Variants in NCEH1 observed in about 807,000 individuals in gnomAD.
The protein encoded by NCEH1 is neutral cholesterol ester hydrolase 1.
NCEH1 carries 9 observed loss-of-function variants against 25.4 expected under a neutral mutation model. That is an observed-to-expected ratio of 0.35 (90% CI 0.21 to 0.62). NCEH1 has a LOEUF of 0.62. NCEH1 is among the 20% of genes least tolerant of loss of function. NCEH1 has a pLI of 0.72. For synonymous variants in NCEH1, 200 were observed against 199.8 expected (o/e 1.00, Z -0.01); for missense variants, 412 against 501.1 (o/e 0.82, Z 1.70).
Position 172,644,418 on chromosome 3 carries a change from G to A in NCEH1, c.437+1205C>T, listed in dbSNP as rs150728304. Among the ~76,000 whole-genome samples, 958 of 152,302 alleles carry A rather than the reference G, an allele frequency of 6.3e-3. 9 individuals are homozygous for A. Among genetic ancestry groups the A allele is most frequent in the Non-Finnish European group, 9.1e-3 (619 of 68,016 alleles). Reference sequence around the variant, plus strand: ...AGGATAGCTGACAGAGAGGCAGAGGGAAGAAGAGAACTGAATGAGCCTGGG... The same window carrying A: ...AGGATAGCTGACAGAGAGGCAGAGGAAAGAAGAGAACTGAATGAGCCTGGG... On this transcript the variant is annotated intron_variant, in intron 3 of 4. Coordinates refer to ENST00000475381, the MANE Select transcript of NCEH1 (RefSeq NM_020792.6).
At chr3:172,710,110 A>T (rs959856814) in intron 1 of NCEH1, among the ~76,000 whole-genome samples, 1 of 152,248 alleles carries the variant, frequency 6.6e-6, no homozygotes, top group African/African-American at 2.4e-5. Flanking sequence ...AGGTTAAGGC[A>T]GGTAACCTCG....
chr3:172,644,724 T>C (rs1183201219), intron 3 of NCEH1, among the ~76,000 whole-genome samples: 1 of 152,258 alleles, frequency 6.6e-6, no homozygotes, highest in African/African-American at 2.4e-5. Flanking sequence ...ATTTACTGAA[T>C]GCTCACCATA....
chr3:172,665,266 T>G (rs1049550456), intron 1 of NCEH1, among the ~76,000 whole-genome samples: 4 of 152,202 alleles, frequency 2.6e-5, no homozygotes, highest in African/African-American at 9.7e-5. Flanking sequence ...CTCCAGACCT[T>G]GTTTGCCTGG....
intron 1 of NCEH1, among the ~76,000 whole-genome samples, chr3:172,678,431 T>C (rs1712138722): frequency 6.6e-6 from 1 of 152,194 alleles, no homozygotes; most frequent in Non-Finnish European, 1.5e-5. Context: ...AGTGTTTAAA[T>C]CTACACCAGG....
chr3:172,641,141 ATACTC>A (rs146374960), intron 3 of NCEH1, among the ~76,000 whole-genome samples: 5 of 152,338 alleles, frequency 3.3e-5, no homozygotes, highest in East Asian at 1.9e-4. Flanking sequence ...AGGTAAAAAA[ATACTC>A]TATTATAGTT....
intron 1 of NCEH1, among the ~76,000 whole-genome samples, chr3:172,666,092 C>T (rs9862246): frequency 0.34 from 51,243 of 152,080 alleles, 8,819 homozygotes; most frequent in South Asian, 0.38. Flanking sequence ...TAGACTGGAG[C>T]TGCTTCTATT....
At chr3:172,639,164 G>A (rs1193949423) in intron 3 of NCEH1, among the ~76,000 whole-genome samples, 2 of 152,032 alleles carry the variant, frequency 1.3e-5, no homozygotes, top group African/African-American at 4.8e-5. Context: ...TGGGTGTGGT[G>A]GCATGTGCTT....
At chr3:172,709,843 A>C (rs777415473) in intron 1 of NCEH1, among the ~76,000 whole-genome samples, 20 of 152,286 alleles carry the variant, frequency 1.3e-4, no homozygotes, top group Non-Finnish European at 2.8e-4. Context: ...ATATTCTGAG[A>C]TTAAAGCCCA....
intron 1 of NCEH1, 117 bp downstream of exon 1, chr3:172,710,730 G>C (rs770929485): frequency 2.7e-6 from 3 of 1,128,770 alleles, no homozygotes; most frequent in Non-Finnish European, 3.8e-6. Flanking sequence ...AAAAGCGACA[G>C]CCTCAATGCA....
intron 1 of NCEH1, among the ~76,000 whole-genome samples, chr3:172,671,244 G>C (rs894977269): frequency 1.3e-5 from 2 of 152,142 alleles, no homozygotes; most frequent in Admixed American, 1.3e-4. Context: ...CCAGAAAGTA[G>C]GATTTCGTTA....
chr3:172,667,487 A>G (rs1718274780), intron 1 of NCEH1, among the ~76,000 whole-genome samples: 1 of 152,200 alleles, frequency 6.6e-6, no homozygotes, highest in Non-Finnish European at 1.5e-5. Flanking sequence ...TGGATGACCT[A>G]AGGTTGCGCA....
intron 1 of NCEH1, among the ~76,000 whole-genome samples, chr3:172,674,443 CAAAAAAAA>C (rs146923940): frequency 2.8e-5 from 2 of 71,038 alleles, no homozygotes; most frequent in African/African-American, 4.9e-5. Context: ...ACTCTGTCTC[CAAAAAAAA>C]AAAAAAAAAA....
Position 172,672,771 on chromosome 3 carries a change from G to A in NCEH1, c.139-24657C>T, listed in dbSNP as rs1189853331. 3.3e-5 allele frequency among the ~76,000 whole-genome samples: 5 copies of A among 152,202 alleles called. No individual in the cohort carries two copies. The East Asian group carries it at 9.6e-4, about 29-fold the overall frequency. ...CTTTGCAGGCTGGCAAAGTCCAGGA[G>A]CCCCAAGATGCATCCATTAGTTGCT... On this transcript the variant is annotated intron_variant, in intron 1 of 4. Transcript: ENST00000475381.
Position 172,668,346 on chromosome 3 carries a change from GCA to G in NCEH1, c.139-20234_139-20233del, listed in dbSNP as rs1480120790. ...GCTCAGGAAACAAATGGAAAAGGAAGCATTTTTTTTTTTTTTTTTTTTTTTTT... is the reference window on the plus strand; with the variant it reads ...GCTCAGGAAACAAATGGAAAAGGAAGTTTTTTTTTTTTTTTTTTTTTTTTT... On this transcript the variant is annotated intron_variant, in intron 1 of 4. Coordinates refer to ENST00000475381, the MANE Select transcript of NCEH1 (RefSeq NM_020792.6). Among the ~76,000 whole-genome samples, 15 of 105,496 alleles carry G rather than the reference GCA, an allele frequency of 1.4e-4. No homozygotes were observed. In the East Asian group the frequency reaches 4.0e-3, roughly 28 times the overall value. The allele number at this position is 105,496 out of a possible 152,430, so 69.2% of individuals were successfully genotyped here. A position where few individuals can be genotyped will look rare whatever the true frequency, so the allele number is the denominator to read the frequency against.
chr3:172,649,597 T>C (rs1717300671), intron 1 of NCEH1, among the ~76,000 whole-genome samples: 1 of 152,254 alleles, frequency 6.6e-6, no homozygotes, highest in African/African-American at 2.4e-5. Context: ...CAACTTAAGT[T>C]CTTTGGTAAA....
chr3:172,679,043 G>A (rs1230238610), intron 1 of NCEH1, among the ~76,000 whole-genome samples: 1 of 152,154 alleles, frequency 6.6e-6, no homozygotes, highest in Non-Finnish European at 1.5e-5. Flanking sequence ...TCCATTGGCT[G>A]GAATGGGACC....
At chr3:172,641,938 C>T (rs1716869893) in intron 3 of NCEH1, among the ~76,000 whole-genome samples, 1 of 152,092 alleles carries the variant, frequency 6.6e-6, no homozygotes, top group Non-Finnish European at 1.5e-5. Flanking sequence ...TACTACTTGC[C>T]CTTCTACTTC....
chr3:172,704,195 G>C (rs756035257), intron 1 of NCEH1, among the ~76,000 whole-genome samples: 1 of 152,192 alleles, frequency 6.6e-6, no homozygotes, highest in Non-Finnish European at 1.5e-5. Flanking sequence ...AGAGAATTCA[G>C]GTGAGGTGAC....
At chr3:172,679,621 A>G (rs1712228521) in intron 1 of NCEH1, among the ~76,000 whole-genome samples, 1 of 152,026 alleles carries the variant, frequency 6.6e-6, no homozygotes, top group Admixed American at 6.6e-5. Flanking sequence ...CCAGATAGTA[A>G]GGGTAAAGGT....
Sources: allele counts gnomAD v4.1 joint callset (sites outside exome capture counted in the v4.1 genomes callset), GRCh38; gene constraint gnomAD v4.1.1; transcripts MANE v1.5; gene names NCBI Gene and HGNC (gene_info 2026-07-23, HGNC 2026-07-21).